The following ACYP2 variants were observed in gnomAD, a reference collection of about 807,000 sequenced individuals.
ACYP2 encodes the protein acylphosphatase 2, also known as acylphosphatase-2.
ACYP2 carries 12 observed loss-of-function variants against 11.2 expected under a neutral mutation model. The observed-to-expected ratio is 1.08, with a 90% confidence interval of 0.69 to 1.74. ACYP2 has a LOEUF of 1.74. ACYP2 is among the 40% of genes most tolerant of loss of function. The probability of loss-of-function intolerance (pLI) is 0.00; values close to 1 mark genes in which losing one functional copy is unlikely to be tolerated. For missense variants in ACYP2, 134 were observed against 101.9 expected (o/e 1.31, Z -1.35); for synonymous variants, 43 against 32.2 (o/e 1.33, Z -1.13).
chr2:54,299,455 G>A (rs940661635), intron 6 of ACYP2, among the ~76,000 whole-genome samples: 2 of 152,030 alleles, frequency 1.3e-5, no homozygotes, highest in African/African-American at 4.8e-5. Flanking sequence ...AGCTGGGCAT[G>A]GTGGCGCATG....
intron 6 of ACYP2, among the ~76,000 whole-genome samples, chr2:54,298,451 A>T (rs555714021): frequency 2.9e-4 from 44 of 152,336 alleles, no homozygotes; most frequent in African/African-American, 9.9e-4. Context: ...AATGATTTTT[A>T]AAAACCCTTA....
intron 2 of ACYP2, among the ~76,000 whole-genome samples, chr2:53,980,110 A>G (rs574699147): frequency 6.6e-6 from 1 of 152,182 alleles, no homozygotes; most frequent in Non-Finnish European, 1.5e-5. Flanking sequence ...TGTGAGGCCA[A>G]GGCAGGAGGA....
chr2:54,220,620 T>C (rs902979570), intron 6 of ACYP2, among the ~76,000 whole-genome samples: 1 of 152,224 alleles, frequency 6.6e-6, no homozygotes, highest in African/African-American at 2.4e-5. Flanking sequence ...TTCTGATGGT[T>C]TGACATAGTT....
intron 6 of ACYP2, among the ~76,000 whole-genome samples, chr2:54,189,151 T>C (rs1684133310): frequency 1.3e-5 from 2 of 152,224 alleles, no homozygotes; most frequent in South Asian, 4.1e-4. Context: ...ACCCATCATC[T>C]CACAGTTGAC....
Position 54,014,161 on chromosome 2 carries a change from G to GA in ACYP2, c.63-36786dup, listed in dbSNP as rs890428878. On this transcript the variant is annotated intron_variant, in intron 2 of 6. Coordinates refer to ENST00000607452, the MANE Select transcript of ACYP2 (RefSeq NM_001320586.2). ...AGACAAGAGCAAAAAAACTCCGTCT[G>GA]AAAAAAAAAAAGAAAGAAACTCAGT... is the stretch of plus-strand genomic sequence containing the variant. 6.7e-4 allele frequency among the ~76,000 whole-genome samples: 96 copies of GA among 143,420 alleles called. No individual in the cohort carries two copies. In the East Asian group the frequency reaches 0.01, roughly 15 times the overall value. 94.1% of individuals were successfully genotyped at this position (143,420 alleles called of 152,430 possible). A position where few individuals can be genotyped will look rare whatever the true frequency, so the allele number is the denominator to read the frequency against.
chr2:53,974,001 G>T (rs1671336048), intron 2 of ACYP2, among the ~76,000 whole-genome samples: 1 of 150,690 alleles, frequency 6.6e-6, no homozygotes, highest in Non-Finnish European at 1.5e-5. Context: ...CCGCCTCCGG[G>T]GTTCAAGTGA....
intron 6 of ACYP2, among the ~76,000 whole-genome samples, chr2:54,277,973 A>AATTT (rs970333017): frequency 3.9e-5 from 6 of 151,980 alleles, no homozygotes; most frequent in South Asian, 2.1e-4. Context: ...TTAATTAATT[A>AATTT]ATTTATTTAT....
intron 2 of ACYP2, among the ~76,000 whole-genome samples, chr2:54,041,417 A>G (rs2104563272): frequency 6.6e-6 from 1 of 152,278 alleles, no homozygotes; most frequent in East Asian, 1.9e-4. Flanking sequence ...GGAGGTGAGT[A>G]AGTATTTGAG....
chr2:54,160,646 T>C (rs1449615472), intron 6 of ACYP2, among the ~76,000 whole-genome samples: 4 of 152,200 alleles, frequency 2.6e-5, no homozygotes, highest in African/African-American at 9.7e-5. Flanking sequence ...TACGAAGGCA[T>C]TGAGCTGAAA....
chr2:54,153,958 A>G (rs1409578341), intron 6 of ACYP2, among the ~76,000 whole-genome samples: 1 of 151,652 alleles, frequency 6.6e-6, no homozygotes, highest in Non-Finnish European at 1.5e-5. Flanking sequence ...GAATATCCTT[A>G]TATTTATTTA....
intron 6 of ACYP2, among the ~76,000 whole-genome samples, chr2:54,260,999 A>G (rs1018482215): frequency 6.6e-6 from 1 of 152,176 alleles, no homozygotes; most frequent in African/African-American, 2.4e-5. Context: ...GCCAAGGTAT[A>G]TCACCACTAC....
intron 2 of ACYP2, among the ~76,000 whole-genome samples, chr2:54,025,294 C>T (rs1189762265): frequency 6.6e-6 from 1 of 152,066 alleles, no homozygotes; most frequent in African/African-American, 2.4e-5. Flanking sequence ...GCAAAAAGAA[C>T]ACATCAGGAG....
intron 6 of ACYP2, among the ~76,000 whole-genome samples, chr2:54,277,735 T>G (rs1010999424): frequency 6.6e-6 from 1 of 152,184 alleles, no homozygotes; most frequent in Non-Finnish European, 1.5e-5. Context: ...TGCTAGATAA[T>G]CATAGGCACA....
intron 6 of ACYP2, among the ~76,000 whole-genome samples, chr2:54,279,375 A>G (rs1211544092): frequency 1.3e-5 from 2 of 152,224 alleles, no homozygotes; most frequent in East Asian, 1.9e-4. Flanking sequence ...CAAGCCTACC[A>G]CATATACCGA....
At chr2:54,280,231 G>A (rs1051746872) in intron 6 of ACYP2, among the ~76,000 whole-genome samples, 3 of 152,240 alleles carry the variant, frequency 2.0e-5, no homozygotes, top group Non-Finnish European at 4.4e-5. Flanking sequence ...AGAAGAGAGA[G>A]ATATGAAAGA....
rs1001244348 is a variant in ACYP2 at position 54,169,007 on chromosome 2, C to T, written c.404+30259C>T. 2.6e-5 allele frequency among the ~76,000 whole-genome samples: 4 copies of T among 152,254 alleles called. No individual in the cohort carries two copies. The East Asian group carries it at 7.7e-4, about 29-fold the overall frequency. On this transcript the variant is annotated intron_variant, in intron 6 of 6. Transcript: ENST00000607452. ...TTTAAACCTGTTGGGATTTGTAAAG[C>T]TTGGTTTTCCTGTCCAAAGAACCAA...
chr2:54,233,306 T>C (rs1169690683), intron 6 of ACYP2, among the ~76,000 whole-genome samples: 6 of 64,338 alleles, frequency 9.3e-5, no homozygotes, highest in Admixed American at 6.9e-4. Context: ...CCTTCCAAAC[T>C]TTTTTTTTTT....
chr2:54,142,887 CTAAGT>C, intron 6 of ACYP2: 1 of 152,152 alleles, frequency 6.6e-6, no homozygotes, highest in East Asian at 1.9e-4. Flanking sequence ...ACTTTTCTTG[CTAAGT>C]TATTTCTAAG....
intron 6 of ACYP2, among the ~76,000 whole-genome samples, chr2:54,197,893 G>GATTTT (rs201596351): frequency 1.3e-3 from 194 of 149,704 alleles, no homozygotes; most frequent in African/African-American, 4.4e-3. Flanking sequence ...ATCTGCTTAG[G>GATTTT]ATTTTATTTT....
Sources: gnomAD v4.1 joint callset for allele counts (sites outside exome capture counted in the v4.1 genomes callset) on GRCh38, gnomAD v4.1.1 for gene constraint, MANE v1.5 for transcripts, NCBI Gene and HGNC (gene_info 2026-07-23, HGNC 2026-07-21) for gene names.